MAPK6: variants seen among roughly 807,000 people sequenced by gnomAD.
The protein encoded by MAPK6 is ERK-3.
MAPK6 carries 19 observed loss-of-function variants against 59.3 expected under a neutral mutation model. The observed-to-expected ratio is 0.32, with a 90% confidence interval of 0.22 to 0.47. The LOEUF (loss-of-function observed/expected upper bound fraction) is 0.47. Among genes scored for constraint, MAPK6 ranks in the 20% least tolerant of loss-of-function variants. The pLI is 1.00. For missense variants in MAPK6, 724 were observed against 847.9 expected (o/e 0.85, Z 1.81); for synonymous variants, 316 against 290.3 (o/e 1.09, Z -0.90).
chr15:52,048,033 G>A (rs1305875768), intron 2 of MAPK6, among the ~76,000 whole-genome samples: 1 of 152,122 alleles, frequency 6.6e-6, no homozygotes, highest in African/African-American at 2.4e-5. Flanking sequence ...AATTAGAGAG[G>A]TGGAGCTGCT....
chr15:52,010,585 C>G (rs2030026815), intron 3 of MAPK6, among the ~76,000 whole-genome samples: 1 of 141,914 alleles, frequency 7.0e-6, no homozygotes, highest in Non-Finnish European at 1.5e-5. Context: ...GTGGCACGAT[C>G]TTGGCTCACT....
At chr15:52,009,573 T>A (rs74013638) in intron 3 of MAPK6, among the ~76,000 whole-genome samples, 8,386 of 152,270 alleles carry the variant, frequency 0.055, 447 homozygotes, top group African/African-American at 0.13. Flanking sequence ...TCCAGAAAAT[T>A]CTGACTTCCA....
chr15:52,015,053 T>TG (rs201305961), upstream of MAPK6, among the ~76,000 whole-genome samples: 4,123 of 152,246 alleles, frequency 0.027, 78 homozygotes, highest in Non-Finnish European at 0.044. Context: ...CAGGCTGGAG[T>TG]GCAATGGTGT....
intron 2 of MAPK6, among the ~76,000 whole-genome samples, chr15:51,985,113 G>C (rs1207997463): frequency 6.6e-6 from 1 of 152,162 alleles, no homozygotes; most frequent in Admixed American, 6.6e-5. Context: ...AGGATGAGGT[G>C]GGAGGATCAC....
At chr15:52,049,244 C>G (rs1160252132) in intron 2 of MAPK6, among the ~76,000 whole-genome samples, 1 of 152,164 alleles carries the variant, frequency 6.6e-6, no homozygotes, top group Non-Finnish European at 1.5e-5. Flanking sequence ...GTGCTCTTCC[C>G]TACTGTTCTG....
intron 2 of MAPK6, among the ~76,000 whole-genome samples, chr15:51,988,035 G>C (rs1361624961): frequency 6.6e-6 from 1 of 152,050 alleles, no homozygotes; most frequent in Non-Finnish European, 1.5e-5. Flanking sequence ...CAAAGTGCTA[G>C]GATTACAGGC....
At chr15:52,063,051 A>C (rs2032267284) in intron 5 of MAPK6, among the ~76,000 whole-genome samples, 1 of 151,954 alleles carries the variant, frequency 6.6e-6, no homozygotes, top group African/African-American at 2.4e-5. Context: ...CCATGTGTCC[A>C]TTTCTACCCC....
rs2032315085 is a variant in MAPK6, at chr15:52,064,121, T to C, written c.1287T>C (p.Asp429=). 1 of 1,611,914 alleles carries C rather than the reference T, an allele frequency of 6.2e-7. No homozygotes were observed. Among genetic ancestry groups the C allele is most frequent in the Non-Finnish European group, 8.5e-7 (1 of 1,178,748 alleles). The change falls in exon 6 of 6, where the codon GAT becomes GAC. Residue 429 remains aspartate, a synonymous_variant. Coordinates refer to ENST00000261845, the MANE Select transcript of MAPK6 (RefSeq NM_002748.4). The stretch of plus-strand genomic sequence containing the variant: ...CTGAGCCTTGTTGGCAATACTCAGA[T>C]CATCATGAAAACAAATATTGTGATC... ...YSTEPCWQYS[D]HHENKYCDLE...
intron 5 of MAPK6, 82 bp downstream of exon 5, chr15:52,061,582 A>G (rs969045070): frequency 4.8e-6 from 5 of 1,048,204 alleles, no homozygotes; most frequent in African/African-American, 1.6e-5. Flanking sequence ...AAAATTATGT[A>G]TAAGACATTG....
intron 1 of MAPK6, among the ~76,000 whole-genome samples, chr15:52,035,079 T>G (rs1226742290): frequency 2.0e-5 from 3 of 152,244 alleles, no homozygotes; most frequent in Non-Finnish European, 2.9e-5. Flanking sequence ...TTCTTTGGAC[T>G]GCTGGGAAAT....
intron 1 of MAPK6, among the ~76,000 whole-genome samples, chr15:51,981,729 G>A (rs750213213): frequency 2.6e-5 from 4 of 152,094 alleles, no homozygotes; most frequent in Admixed American, 2.0e-4. Flanking sequence ...TGAGGTCAGC[G>A]TACTCAACAC....
chr15:52,024,019 G>C (rs1194550696), intron 1 of MAPK6, among the ~76,000 whole-genome samples: 1 of 152,124 alleles, frequency 6.6e-6, no homozygotes, highest in African/African-American at 2.4e-5. Flanking sequence ...ATTTCCCATT[G>C]ATTTTCGTTA....
Position 52,064,764 on chromosome 15 carries a change from A to G in MAPK6, c.1930A>G (p.Thr644Ala). The G allele has an allele frequency of 6.2e-7, 1 of 1,611,880 alleles. No homozygotes were observed. Reference protein sequence around the residue: ...SRKEDTEMLETEPVEDGKLGE... With the variant: ...SRKEDTEMLEAEPVEDGKLGE... ...GAAAGAAGATACTGAAATGCTAGAA[A>G]CTGAGCCAGTAGAGGATGGGAAGCT... Residue 644 changes from threonine to alanine, a missense_variant, in exon 6 of 6, where the codon ACT becomes GCT. Transcript: ENST00000261845.
intron 2 of MAPK6, among the ~76,000 whole-genome samples, chr15:51,985,506 T>TTAGC (rs2057188201): frequency 6.6e-6 from 1 of 150,772 alleles, no homozygotes; most frequent in Non-Finnish European, 1.5e-5. Flanking sequence ...AATACAAAAA[T>TTAGC]TAGCTGGGTG....
intron 2 of MAPK6, among the ~76,000 whole-genome samples, chr15:51,988,594 T>A (rs2057198362): frequency 6.6e-6 from 1 of 151,974 alleles, no homozygotes; most frequent in South Asian, 2.1e-4. Flanking sequence ...TAGCCGGGTG[T>A]GGTGGCAAGC....
intron 1 of MAPK6, among the ~76,000 whole-genome samples, chr15:51,973,471 C>T (rs1484254920): frequency 1.3e-5 from 2 of 151,756 alleles, no homozygotes; most frequent in African/African-American, 2.4e-5. Flanking sequence ...CCTCCTAACA[C>T]GTTGGGATTA....
upstream of MAPK6, among the ~76,000 whole-genome samples, chr15:52,016,073 C>A (rs1437696395): frequency 7.9e-6 from 1 of 126,768 alleles, no homozygotes; most frequent in African/African-American, 3.1e-5. Flanking sequence ...CGCGCGCGCA[C>A]ACACACACAC....
rs2032362752 is a variant in MAPK6 at position 52,065,057 on chromosome 15, T to TATTA, written c.*58_*61dup. ...TCATGAAATGTGTTTTGTCTTTTTT[T>TATTA]ATTACTAGTGTTTAAGTCATTTTTT... is the stretch of plus-strand genomic sequence containing the variant. On this transcript the variant is annotated 3_prime_UTR_variant, in exon 6 of 6. Transcript: ENST00000261845. The TATTA allele has an allele frequency of 6.8e-7, 1 of 1,469,776 alleles. No homozygotes were observed. The highest frequency in any genetic ancestry group is 1.4e-5 in the African/African-American group (1 of 71,232). The allele number at this position is 1,469,776 out of a possible 1,614,324, so 91.0% of individuals were successfully genotyped here.
chr15:52,004,785 C>A (rs796153611), intron 3 of MAPK6, among the ~76,000 whole-genome samples: 20 of 152,276 alleles, frequency 1.3e-4, no homozygotes, highest in African/African-American at 4.8e-4. Flanking sequence ...GCCCCCATGA[C>A]CTAAACACCT....
Sources: allele counts gnomAD v4.1 joint callset (sites outside exome capture counted in the v4.1 genomes callset), GRCh38; gene constraint gnomAD v4.1.1; transcripts MANE v1.5; gene names NCBI Gene and HGNC (gene_info 2026-07-23, HGNC 2026-07-21).